Variants in AFTPH observed in about 807,000 individuals in gnomAD.
The protein encoded by AFTPH is aftiphilin protein.
In AFTPH, 7 loss-of-function variants were observed where a neutral mutation model predicts 72.5. The observed-to-expected ratio is 0.10, with a 90% CI of 0.05 to 0.18. The LOEUF (loss-of-function observed/expected upper bound fraction) is 0.18, where lower values mean the gene tolerates loss of function less well. AFTPH is among the 10% of genes least tolerant of loss of function. AFTPH has a pLI of 1.00. For missense variants in AFTPH, 979 were observed against 1,060.5 expected, an observed-to-expected ratio of 0.92 and a Z score of 1.07; for synonymous variants, 337 against 370.1, an observed-to-expected ratio of 0.91 and a Z score of 1.03.
intron 2 of AFTPH, among the ~76,000 whole-genome samples, chr2:64,555,988 A>ATTTTTTTTTTTTTTT (rs1671340299): frequency 7.6e-6 from 1 of 131,664 alleles, no homozygotes; most frequent in African/African-American, 3.6e-5. Flanking sequence ...CGAATTCCTC[A>ATTTTTTTTTTTTTTT]CTTTTTTTTT....
At chr2:64,549,196 T>C (rs1670864009) in intron 1 of AFTPH, among the ~76,000 whole-genome samples, 1 of 152,180 alleles carries the variant, frequency 6.6e-6, no homozygotes, top group South Asian at 2.1e-4. Context: ...TGGTTGAATT[T>C]TGTAGTAAAC....
rs56956933 is a variant in AFTPH, at chr2:64,545,137, A to T, written c.-32-6306A>T. 3.3e-3 allele frequency among the ~76,000 whole-genome samples: 499 copies of T among 152,210 alleles called. 1 individual carries two copies. Among genetic ancestry groups the T allele is most frequent in the African/African-American group, 0.011 (474 of 41,520 alleles). ...TTTAAAGAGTAAAAGTTTTGGAAAA[A>T]AGCAATAGGTTAATCACAGATTAGG... On this transcript the variant is annotated intron_variant, in intron 1 of 8. Transcript: ENST00000238856.
intron 1 of AFTPH, among the ~76,000 whole-genome samples, chr2:64,533,406 AAAAC>A (rs1028044940): frequency 2.3e-4 from 35 of 152,290 alleles, no homozygotes; most frequent in South Asian, 8.3e-4. Context: ...CTGCCTCCAA[AAAAC>A]AAACAAACAA....
exon 2 of AFTPH, chr2:64,551,807 C>T (rs144339690): frequency 5.0e-6 from 8 of 1,613,384 alleles, no homozygotes; most frequent in South Asian, 1.1e-5. Flanking sequence ...TTTCTACCAC[C>T]AGCAAAGAAA....
At chr2:64,579,341 A>T in intron 6 of AFTPH, 145 bp from the exon 7 acceptor site, 1 of 529,852 alleles carries the variant, frequency 1.9e-6, no homozygotes, top group East Asian at 3.0e-5. Flanking sequence ...ATTTGCAGGT[A>T]ACCTTCTGAA....
chr2:64,572,220 C>CAA (rs34614295), intron 5 of AFTPH, among the ~76,000 whole-genome samples: 31,909 of 116,426 alleles, frequency 0.27, 3,899 homozygotes, highest in African/African-American at 0.32. Context: ...AACTCTGTCT[C>CAA]AAAAAAAAAA....
chr2:64,583,114 A>C, intron 7 of AFTPH, among the ~76,000 whole-genome samples: 1 of 152,178 alleles, frequency 6.6e-6, no homozygotes, highest in East Asian at 1.9e-4. Flanking sequence ...AAAAGTTACC[A>C]TCAAGCTACA....
At chr2:64,533,341 G>A (rs1207235782) in intron 1 of AFTPH, among the ~76,000 whole-genome samples, 4 of 152,148 alleles carry the variant, frequency 2.6e-5, no homozygotes, top group African/African-American at 9.7e-5. Flanking sequence ...CGAGGCTGCA[G>A]TGAGCTGAGA....
chr2:64,561,644 G>A lies in AFTPH; in HGVS notation c.1936-5918G>A, dbSNP rs187897888. ...CAGTGAGCTGTGATGGCACCACTGC[G>A]CTGAAGCCTGAATGAGCGAGTGAGA... On this transcript the variant is annotated intron_variant, in intron 2 of 8. Coordinates refer to ENST00000238856, the Ensembl canonical transcript of AFTPH. Among the ~76,000 whole-genome samples, 185 of 152,242 alleles carry A rather than the reference G, an allele frequency of 1.2e-3. 1 individual carries two copies. Among genetic ancestry groups the A allele is most frequent in the Non-Finnish European group, 2.2e-3 (153 of 68,012 alleles).
chr2:64,555,742 G>A (rs1267064927), intron 2 of AFTPH, among the ~76,000 whole-genome samples: 1 of 152,184 alleles, frequency 6.6e-6, no homozygotes, highest in Non-Finnish European at 1.5e-5. Context: ...TTGAAGTAGT[G>A]AAATGGATAA....
intron 1 of AFTPH, among the ~76,000 whole-genome samples, chr2:64,543,104 T>C (rs912531516): frequency 6.6e-6 from 1 of 152,244 alleles, no homozygotes; most frequent in African/African-American, 2.4e-5. Context: ...GGTAGATGTA[T>C]AGTGGTATTT....
intron 1 of AFTPH, among the ~76,000 whole-genome samples, chr2:64,550,917 A>T (rs2103933994): frequency 6.6e-6 from 1 of 152,320 alleles, no homozygotes; most frequent in East Asian, 1.9e-4. Flanking sequence ...ATTTCAAATT[A>T]TTAAGTATTT....
chr2:64,550,831 A>G (rs779321678), intron 1 of AFTPH, among the ~76,000 whole-genome samples: 8 of 152,232 alleles, frequency 5.3e-5, no homozygotes, highest in East Asian at 1.9e-4. Flanking sequence ...CCTTATTACT[A>G]TATTACCATT....
At chr2:64,538,315 T>C (rs1178076733) in intron 1 of AFTPH, among the ~76,000 whole-genome samples, 1 of 152,108 alleles carries the variant, frequency 6.6e-6, no homozygotes, top group Non-Finnish European at 1.5e-5. Flanking sequence ...CAGGAAAAAG[T>C]AAAACTTTAA....
At position 64,582,852 on chromosome 2, in the gene AFTPH, G is replaced by A. The variant is rs927004940; in HGVS notation, c.2456-2570G>A. On this transcript the variant is annotated intron_variant, in intron 7 of 8. Coordinates refer to ENST00000238856, the Ensembl canonical transcript of AFTPH. ...AACCATTCATAGGAGCACAAATAAC[G>A]TGGCTATATAAAGAAGTACAGAAAT... Among the ~76,000 whole-genome samples, 4 of 152,100 alleles carry A rather than the reference G, an allele frequency of 2.6e-5. No homozygotes were observed. The South Asian group carries it at 6.2e-4, about 24-fold the overall frequency.
At chr2:64,536,520 C>T (rs188891246) in intron 1 of AFTPH, among the ~76,000 whole-genome samples, 201 of 149,516 alleles carry the variant, frequency 1.3e-3, no homozygotes, top group African/African-American at 4.5e-3. Flanking sequence ...AGTGATCGCG[C>T]CACTGCACTC....
chr2:64,542,103 A>G (rs1421069997), intron 1 of AFTPH, among the ~76,000 whole-genome samples: 1 of 152,230 alleles, frequency 6.6e-6, no homozygotes, highest in Non-Finnish European at 1.5e-5. Context: ...ACATTGATAC[A>G]GCTGGGCTGG....
In AFTPH at chr2:64,567,719, T is replaced by C. The variant is rs1672170024; in HGVS notation, c.2087+6T>C. 1 of 1,601,290 alleles carries C rather than the reference T, an allele frequency of 6.2e-7. No individual in the cohort carries two copies. ...GAGGCCTTACCTGAAAGTGGGTAAG[T>C]AGGAGACTGTTTTTAGATAGCATGT... On this transcript the variant is annotated splice_donor_region_variant and intron_variant, in intron 3 of 8. Transcript: ENST00000238856.
exon 2 of AFTPH, chr2:64,552,120 A>G (rs751991773): frequency 1.9e-6 from 3 of 1,613,992 alleles, no homozygotes; most frequent in South Asian, 1.1e-5. Flanking sequence ...TAGCACTCAT[A>G]GCACTGAGTA....
Sources: gnomAD v4.1 joint callset for allele counts (sites outside exome capture counted in the v4.1 genomes callset) on GRCh38, gnomAD v4.1.1 for gene constraint, MANE v1.5 for transcripts, NCBI Gene and HGNC (gene_info 2026-07-23, HGNC 2026-07-21) for gene names.